The following MAP4K5 variants were observed in gnomAD, a reference collection of about 807,000 sequenced individuals.
MAP4K5 encodes mitogen-activated protein kinase kinase kinase kinase 5.
MAP4K5 carries 82 observed loss-of-function variants against 135.6 expected under a neutral mutation model. The observed-to-expected ratio is 0.60, with a 90% confidence interval of 0.51 to 0.73. The LOEUF is 0.73. MAP4K5 is among the 30% of genes least tolerant of loss of function. The pLI, the probability that MAP4K5 is intolerant of heterozygous loss-of-function variation, is 0.00. For synonymous variants in MAP4K5, 347 were observed against 335.0 expected, an observed-to-expected ratio of 1.04 and a Z score of -0.39; for missense variants, 907 against 1,010.9, an observed-to-expected ratio of 0.90 and a Z score of 1.39.
chr14:50,535,947 G>A (rs1289542139), upstream of MAP4K5, among the ~76,000 whole-genome samples: 1 of 152,176 alleles, frequency 6.6e-6, no homozygotes, highest in African/African-American at 2.4e-5. Flanking sequence ...AGACCTGATG[G>A]TTTTAAAAAG....
chr14:50,545,829 G>T (rs2038624384), intron 1 of MAP4K5, among the ~76,000 whole-genome samples: 2 of 152,210 alleles, frequency 1.3e-5, no homozygotes, highest in African/African-American at 4.8e-5. Flanking sequence ...TAGGACGCCA[G>T]CTGGTTACAT....
At chr14:50,530,934 G>C (rs1054036094) in intron 2 of MAP4K5, among the ~76,000 whole-genome samples, 2 of 152,140 alleles carry the variant, frequency 1.3e-5, no homozygotes, top group African/African-American at 4.8e-5. Flanking sequence ...AACCCCAGAG[G>C]AATCTACTGG....
intron 1 of MAP4K5, among the ~76,000 whole-genome samples, chr14:50,547,768 A>G (rs1021161658): frequency 2.0e-5 from 3 of 152,128 alleles, no homozygotes; most frequent in African/African-American, 7.2e-5. Context: ...TTAAGCTGGG[A>G]AGTGTCCGTG....
intron 11 of MAP4K5, among the ~76,000 whole-genome samples, chr14:50,465,066 T>C (rs755969815): frequency 6.6e-6 from 1 of 152,162 alleles, no homozygotes; most frequent in Non-Finnish European, 1.5e-5. Flanking sequence ...CAAAGGAATA[T>C]AATTAGCAGC....
chr14:50,462,797 A>G lies in MAP4K5; in HGVS notation c.820-16T>C. On this transcript the variant is annotated splice_polypyrimidine_tract_variant and intron_variant, in intron 12 of 32. Transcript: ENST00000682126. ...CAAAAGTGTGCTAAAAGACAACAAA[A>G]TGAAATTTCATGAGTATGCCTTTAC... 7.1e-7 allele frequency: 1 copy of G among 1,407,122 alleles called. No individual in the cohort carries two copies. Among genetic ancestry groups the G allele is most frequent in the Non-Finnish European group, 1.0e-6 (1 of 993,392 alleles). 87.2% of individuals were successfully genotyped at this position (1,407,122 alleles called of 1,614,324 possible). A position where few individuals can be genotyped will look rare whatever the true frequency, so the allele number is the denominator to read the frequency against.
rs548307851 is a variant in MAP4K5 at position 50,475,455 on chromosome 14, G to T, written c.470-306C>A. On this transcript the variant is annotated intron_variant, in intron 8 of 32. Transcript: ENST00000682126. ...AAAAAGCACAAAAAATAAAACACAT[G>T]GGAGAAACACACACCTGTATTCCTT... is the stretch of plus-strand genomic sequence containing the variant. Among the ~76,000 whole-genome samples the T allele has an allele frequency of 6.6e-5, 10 of 151,644 alleles. No homozygotes were observed. In the South Asian group the frequency reaches 1.7e-3, roughly 25 times the overall value.
Position 50,434,482 on chromosome 14 carries a change from A to C in MAP4K5, c.2076T>G (p.Ile692Met). ...CCTGATTCGATTCAGTGCCTTTGCTAATAGCTACACAGACCATAGGGTATT... is the reference window on the plus strand; with the variant it reads ...CCTGATTCGATTCAGTGCCTTTGCTCATAGCTACACAGACCATAGGGTATT... ...EQEYPMVCVA[I>M]SKGTESNQVV... The change falls in exon 28 of 33, where the codon ATT (isoleucine) becomes ATG (methionine). Residue 692 changes from isoleucine (I) to methionine (M), a missense_variant. Physicochemically the swap from Ile to Met is conservative, Grantham distance 10. This residue lies in a region of MAP4K5 where 690 missense variants were observed against 777.4 expected (regional missense o/e 0.89). Transcript: ENST00000682126. 1 of 1,608,690 alleles carries C rather than the reference A, an allele frequency of 6.2e-7. No individual in the cohort carries two copies. Among genetic ancestry groups the C allele is most frequent in the Non-Finnish European group, 8.5e-7 (1 of 1,177,364 alleles).
At chr14:50,540,650 A>C (rs904955908) in intron 2 of MAP4K5, among the ~76,000 whole-genome samples, 3 of 152,196 alleles carry the variant, frequency 2.0e-5, no homozygotes, top group Middle Eastern at 3.2e-3. Flanking sequence ...CCAGTGATTA[A>C]AGTAGAGATT....
At chr14:50,525,145 C>A (rs557586308) in intron 2 of MAP4K5, among the ~76,000 whole-genome samples, 1 of 152,300 alleles carries the variant, frequency 6.6e-6, no homozygotes, top group African/African-American at 2.4e-5. Flanking sequence ...AAACCTGTAT[C>A]CCCAGTCCAG....
intron 23 of MAP4K5, chr14:50,438,526 T>C (rs1225748344): frequency 4.5e-5 from 7 of 154,338 alleles, no homozygotes; most frequent in African/African-American, 1.7e-4. Flanking sequence ...TTATAAGCCA[T>C]GATACAAGGA....
chr14:50,506,528 G>A (rs2037813311), intron 2 of MAP4K5, among the ~76,000 whole-genome samples: 1 of 152,170 alleles, frequency 6.6e-6, no homozygotes, highest in South Asian at 2.1e-4. Context: ...TCAGCTAACT[G>A]TTGTACTTTT....
chr14:50,510,472 C>T (rs946827317), intron 2 of MAP4K5, among the ~76,000 whole-genome samples: 5 of 152,096 alleles, frequency 3.3e-5, no homozygotes, highest in African/African-American at 4.8e-5. Flanking sequence ...TACGCATGAT[C>T]CTTTGAAAGG....
At chr14:50,474,953 T>C (rs1016917333) in intron 9 of MAP4K5, 124 bp downstream of exon 9, 7 of 787,522 alleles carry the variant, frequency 8.9e-6, no homozygotes, top group African/African-American at 6.9e-5. Flanking sequence ...GAACTTATGA[T>C]ACTGTCAAAG....
intron 18 of MAP4K5, among the ~76,000 whole-genome samples, chr14:50,444,759 C>T (rs1317196649): frequency 2.6e-5 from 4 of 152,000 alleles, no homozygotes; most frequent in African/African-American, 4.8e-5. Context: ...CCCTGAAGTT[C>T]TGGGGGCAGA....
At chr14:50,444,517 G>A (rs550870194) in intron 18 of MAP4K5, among the ~76,000 whole-genome samples, 3 of 152,152 alleles carry the variant, frequency 2.0e-5, no homozygotes, top group East Asian at 3.9e-4. Context: ...GGGAGGCTGG[G>A]GCAGGCGGAT....
intron 32 of MAP4K5, among the ~76,000 whole-genome samples, chr14:50,421,203 G>GA (rs1555348593): frequency 1.8e-4 from 27 of 151,254 alleles, no homozygotes; most frequent in Non-Finnish European, 3.1e-4. Flanking sequence ...GACATGCTTA[G>GA]TTTTTTTTTC....
Position 50,497,990 on chromosome 14 carries a change from G to T in MAP4K5, c.166+6810C>A, listed in dbSNP as rs187938496. On this transcript the variant is annotated intron_variant, in intron 3 of 32. Transcript: ENST00000682126. ...TTTGTAGTTTTGCCATAAAAGAGGGGTAATGGAAGGAGGAGAGAGGGAAGG... is the reference window on the plus strand; with the variant it reads ...TTTGTAGTTTTGCCATAAAAGAGGGTTAATGGAAGGAGGAGAGAGGGAAGG... Among the ~76,000 whole-genome samples the T allele has an allele frequency of 3.0e-3, 458 of 152,250 alleles. 2 individuals are homozygous for T. Among genetic ancestry groups the T allele is most frequent in the Non-Finnish European group, 3.8e-3 (259 of 68,018 alleles).
chr14:50,560,172 G>C (rs1213046862), intron 1 of MAP4K5: 2 of 1,478,382 alleles, frequency 1.4e-6, no homozygotes, highest in East Asian at 4.7e-5. Flanking sequence ...CGCCCAGCGC[G>C]GGCACGGAGC....
chr14:50,558,231 C>T (rs1236127188), intron 1 of MAP4K5, among the ~76,000 whole-genome samples: 2 of 152,070 alleles, frequency 1.3e-5, no homozygotes, highest in African/African-American at 2.4e-5. Flanking sequence ...TGCTGGCGAC[C>T]GCCAGTAATC....
Sources: allele counts gnomAD v4.1 joint callset (sites outside exome capture counted in the v4.1 genomes callset), GRCh38; gene constraint gnomAD v4.1.1; regional missense constraint gnomAD v4.1.1; transcripts MANE v1.5; gene names NCBI Gene and HGNC (gene_info 2026-07-23, HGNC 2026-07-21).